The following RFX3 variants were observed in gnomAD, a reference collection of about 807,000 sequenced individuals.
RFX3 encodes the protein regulatory factor X3, also known as transcription factor RFX3.
A neutral mutation model predicts 98.6 loss-of-function variants in RFX3; 14 were observed. The ratio of observed to expected loss-of-function variants is 0.14; its 90% confidence interval spans 0.09 to 0.22. The LOEUF (loss-of-function observed/expected upper bound fraction) is 0.22, where lower values mean the gene tolerates loss of function less well. RFX3 is among the 10% of genes least tolerant of loss of function. The pLI, the probability that RFX3 is intolerant of heterozygous loss-of-function variation, is 1.00. For missense variants in RFX3, 639 were observed against 926.9 expected (o/e 0.69, Z 4.03); for synonymous variants, 383 against 328.4 (o/e 1.17, Z -1.80).
intron 7 of RFX3, 87 bp downstream of exon 7, chr9:3,288,044 T>C: frequency 2.4e-6 from 3 of 1,231,322 alleles, no homozygotes; most frequent in Non-Finnish European, 3.5e-6. Flanking sequence ...CGTTCTTTTA[T>C]ACTTAGGTAT....
chr9:3,324,307 T>A (rs1453227079), intron 4 of RFX3, among the ~76,000 whole-genome samples: 1 of 152,190 alleles, frequency 6.6e-6, no homozygotes, highest in African/African-American at 2.4e-5. Flanking sequence ...TAACTTAAAA[T>A]TTCTTCTAAG....
intron 1 of RFX3, chr9:3,469,039 G>A (rs1011964732): frequency 1.2e-5 from 4 of 332,276 alleles, no homozygotes; most frequent in Non-Finnish European, 2.4e-5. Flanking sequence ...TTAGAAAAAT[G>A]CAAAGCATCT....
chr9:3,249,414 T>G (rs1821096911), intron 14 of RFX3, among the ~76,000 whole-genome samples: 1 of 152,168 alleles, frequency 6.6e-6, no homozygotes, highest in Non-Finnish European at 1.5e-5. Context: ...TTTTTCCTCT[T>G]GCATGAAAAC....
chr9:3,314,208 G>A (rs1472003612), intron 4 of RFX3, among the ~76,000 whole-genome samples: 1 of 152,076 alleles, frequency 6.6e-6, no homozygotes, highest in Non-Finnish European at 1.5e-5. Flanking sequence ...AGACAGTGGG[G>A]GCCAATATTT....
intron 1 of RFX3, among the ~76,000 whole-genome samples, chr9:3,474,179 G>T (rs1587796961): frequency 6.6e-6 from 1 of 152,286 alleles, no homozygotes; most frequent in East Asian, 1.9e-4. Flanking sequence ...ACTTGTTATA[G>T]ATGTAGATTT....
chr9:3,394,523 C>A (rs112556066), intron 2 of RFX3, among the ~76,000 whole-genome samples: 3,759 of 152,232 alleles, frequency 0.025, 165 homozygotes, highest in African/African-American at 0.087. Context: ...ATCCTAAAAG[C>A]CAATGACTTC....
chr9:3,479,300 G>A (rs1849538371), intron 1 of RFX3, among the ~76,000 whole-genome samples: 1 of 151,896 alleles, frequency 6.6e-6, no homozygotes, highest in Non-Finnish European at 1.5e-5. Flanking sequence ...ATTCACTGAG[G>A]CCCTCACTCC....
At chr9:3,302,891 A>G (rs1411323526) in intron 4 of RFX3, among the ~76,000 whole-genome samples, 1 of 151,846 alleles carries the variant, frequency 6.6e-6, no homozygotes, top group East Asian at 1.9e-4. Context: ...ATTTTATTTT[A>G]CATTATTTTC....
At chr9:3,370,801 T>C (rs983685793) in intron 2 of RFX3, among the ~76,000 whole-genome samples, 2 of 152,282 alleles carry the variant, frequency 1.3e-5, no homozygotes, top group South Asian at 4.1e-4. Context: ...TTAAGTATTT[T>C]ACTTTACAAT....
At chr9:3,310,771 T>C (rs372439708) in intron 4 of RFX3, among the ~76,000 whole-genome samples, 28 of 152,334 alleles carry the variant, frequency 1.8e-4, no homozygotes, top group African/African-American at 6.5e-4. Context: ...CCAAGATTTA[T>C]CATGCTTAAA....
chr9:3,266,751 CT>C (rs1823692535), intron 11 of RFX3, among the ~76,000 whole-genome samples: 1 of 152,110 alleles, frequency 6.6e-6, no homozygotes, highest in Non-Finnish European at 1.5e-5. Flanking sequence ...TAATGCAAAG[CT>C]TGCTCTGTTT....
chr9:3,501,423 G>T lies in RFX3; in HGVS notation c.-9+24324C>A, dbSNP rs533369405. 3.9e-5 allele frequency among the ~76,000 whole-genome samples: 6 copies of T among 151,966 alleles called. No individual in the cohort carries two copies. In the East Asian group the frequency reaches 7.7e-4, roughly 20 times the overall value. ...ATAAAAAGAAAAATAAAATTACTCC[G>T]AGGGCCATAAAAATATTATTTCTCC... is the stretch of plus-strand genomic sequence containing the variant. On this transcript the variant is annotated intron_variant, in intron 1 of 16. Coordinates refer to ENST00000617270, the MANE Select transcript of RFX3 (RefSeq NM_001282116.2).
At chr9:3,414,230 T>C (rs1051076809) in intron 1 of RFX3, among the ~76,000 whole-genome samples, 2 of 152,126 alleles carry the variant, frequency 1.3e-5, no homozygotes, top group African/African-American at 2.4e-5. Flanking sequence ...GCTCCTGCCA[T>C]ATTCCAGTCT....
intron 3 of RFX3, among the ~76,000 whole-genome samples, chr9:3,335,643 A>G (rs76677779): frequency 0.021 from 3,240 of 152,334 alleles, 117 homozygotes; most frequent in African/African-American, 0.073. Context: ...TGATTACCAT[A>G]GACTAAGTCA....
At chr9:3,354,746 T>C (rs539500653) in intron 2 of RFX3, among the ~76,000 whole-genome samples, 24 of 149,926 alleles carry the variant, frequency 1.6e-4, no homozygotes, top group African/African-American at 5.9e-4. Flanking sequence ...AGATGGAAAC[T>C]GAGATCTACA....
intron 1 of RFX3, among the ~76,000 whole-genome samples, chr9:3,515,698 G>C (rs191950217): frequency 6.6e-6 from 1 of 152,198 alleles, no homozygotes; most frequent in South Asian, 2.1e-4. Context: ...AAATGGTTTT[G>C]AACATTAAAG....
chr9:3,248,054 G>A lies in RFX3; in HGVS notation c.1946C>T (p.Thr649Ile), dbSNP rs772675197. 5.6e-6 allele frequency: 9 copies of A among 1,613,992 alleles called. No individual in the cohort carries two copies. The highest frequency in any genetic ancestry group is 7.6e-6 in the Non-Finnish European group (9 of 1,179,914). Residue 649 changes from threonine to isoleucine, a missense_variant, in exon 15 of 17, where the codon ACT becomes ATT. Around this residue, in one of 9 missense-constraint regions of RFX3, gnomAD observed 129 missense variants for 124.6 expected, o/e 1.04. Coordinates refer to ENST00000617270, the MANE Select transcript of RFX3 (RefSeq NM_001282116.2). ...EHRVAQATGE[T>I]PIAVMGEFGD... Reference sequence around the variant, plus strand: ...TACCTCGCCCATGACTGCTATAGGAGTCTCTCCTGTTGCCTGAGCAACACG... The same window carrying A: ...TACCTCGCCCATGACTGCTATAGGAATCTCTCCTGTTGCCTGAGCAACACG...
chr9:3,457,708 A>G (rs933657995), intron 1 of RFX3, among the ~76,000 whole-genome samples: 1 of 152,060 alleles, frequency 6.6e-6, no homozygotes, highest in African/African-American at 2.4e-5. Flanking sequence ...ACCTTTTCTT[A>G]CTTACGAGAA....
intron 2 of RFX3, among the ~76,000 whole-genome samples, chr9:3,356,985 A>T (rs1835855065): frequency 6.6e-6 from 1 of 151,492 alleles, no homozygotes; most frequent in Non-Finnish European, 1.5e-5. Flanking sequence ...ACACACACAC[A>T]CACACACACA....
Sources: allele counts gnomAD v4.1 joint callset (sites outside exome capture counted in the v4.1 genomes callset), GRCh38; gene constraint gnomAD v4.1.1; regional missense constraint gnomAD v4.1.1; transcripts MANE v1.5; gene names NCBI Gene and HGNC (gene_info 2026-07-23, HGNC 2026-07-21).